The following ZMYM2 variants were observed in gnomAD, a reference collection of about 807,000 sequenced individuals.
ZMYM2 encodes the protein zinc finger MYM-type containing 2.
In ZMYM2, 56 loss-of-function variants were observed where a neutral mutation model predicts 162.8. The observed-to-expected ratio is 0.34, with a 90% CI of 0.28 to 0.43. ZMYM2 has a LOEUF of 0.43. Ranked by LOEUF, ZMYM2 falls within the 20% of genes least tolerant of loss-of-function variation. The pLI is 1.00. For missense variants in ZMYM2, 1,275 were observed against 1,621.8 expected, an observed-to-expected ratio of 0.79 and a Z score of 3.67; for synonymous variants, 510 against 541.6, an observed-to-expected ratio of 0.94 and a Z score of 0.81.
At chr13:20,036,984 T>C in intron 12 of ZMYM2, 75 bp downstream of exon 12, 1 of 1,357,192 alleles carries the variant, frequency 7.4e-7, no homozygotes, top group Non-Finnish European at 9.7e-7. Flanking sequence ...ATTACAAATC[T>C]GGCAACTCAT....
At chr13:19,997,807 A>G (rs928149253) in intron 3 of ZMYM2, among the ~76,000 whole-genome samples, 16 of 152,188 alleles carry the variant, frequency 1.1e-4, no homozygotes, top group African/African-American at 3.4e-4. Flanking sequence ...CAGTTTTGCA[A>G]CCATTCCTGC....
At chr13:19,945,926 G>T in the ZMYM2 span, among the ~76,000 whole-genome samples, 1 of 128,468 alleles carries the variant, frequency 7.8e-6, no homozygotes, top group Non-Finnish European at 1.6e-5. Context: ...TCCAGCCTGG[G>T]CAACAAGAGA....
At chr13:20,034,723 C>T (rs893222300) in intron 11 of ZMYM2, among the ~76,000 whole-genome samples, 3 of 152,168 alleles carry the variant, frequency 2.0e-5, no homozygotes, top group African/African-American at 7.2e-5. Context: ...AAATTGTTTT[C>T]CATTAGCTCC....
chr13:19,920,736 G>GTGTATGTATGTATGTA, the ZMYM2 span, among the ~76,000 whole-genome samples: 1 of 149,850 alleles, frequency 6.7e-6, no homozygotes, highest in Non-Finnish European at 1.5e-5. Flanking sequence ...TCATTTATGT[G>GTGTATGTATGTATGTA]TGTATGTATG....
At chr13:19,879,960 A>C in the ZMYM2 span, among the ~76,000 whole-genome samples, 1,252 of 152,302 alleles carry the variant, frequency 8.2e-3, 17 homozygotes, top group African/African-American at 0.029. Flanking sequence ...AAGGAAAGGC[A>C]TATTTCCTCT....
the ZMYM2 span, among the ~76,000 whole-genome samples, chr13:19,948,713 C>T: frequency 6.6e-6 from 1 of 152,108 alleles, no homozygotes; most frequent in Non-Finnish European, 1.5e-5. Context: ...CATATAGGTT[C>T]GTAAGTTGTA....
At chr13:20,058,958 T>G (rs1435193898) in intron 15 of ZMYM2, 2 of 563,196 alleles carry the variant, frequency 3.6e-6, no homozygotes, top group East Asian at 7.7e-5. Flanking sequence ...CTCGAAAATT[T>G]CCTTGGGGAT....
intron 3 of ZMYM2, among the ~76,000 whole-genome samples, chr13:19,997,013 G>A (rs1245407062): frequency 6.6e-6 from 1 of 152,178 alleles, no homozygotes; most frequent in East Asian, 1.9e-4. Context: ...CCAGCACACA[G>A]CAGCCTGCGC....
chr13:19,901,667 G>C, the ZMYM2 span, among the ~76,000 whole-genome samples: 3 of 152,126 alleles, frequency 2.0e-5, no homozygotes, highest in African/African-American at 7.2e-5. Context: ...AGTAGAGACG[G>C]GGTTTCACCA....
At chr13:19,921,640 C>T in the ZMYM2 span, among the ~76,000 whole-genome samples, 2 of 151,872 alleles carry the variant, frequency 1.3e-5, no homozygotes, top group Non-Finnish European at 2.9e-5. Context: ...AAAATTGTTC[C>T]CACCTCAAAA....
intron 4 of ZMYM2, among the ~76,000 whole-genome samples, chr13:20,003,749 A>G (rs1306270171): frequency 6.6e-6 from 1 of 151,798 alleles, no homozygotes; most frequent in African/African-American, 2.4e-5. Context: ...CCTGGGTTCA[A>G]GCAGTTATCC....
intron 2 of ZMYM2, chr13:19,965,117 C>A: frequency 6.2e-6 from 3 of 481,480 alleles, no homozygotes; most frequent in Admixed American, 4.9e-5. Flanking sequence ...ACTTACATAG[C>A]TATTCTAAGT....
At chr13:19,892,416 C>T in the ZMYM2 span, among the ~76,000 whole-genome samples, 4 of 151,730 alleles carry the variant, frequency 2.6e-5, no homozygotes, top group East Asian at 3.9e-4. Context: ...GGACTACAGG[C>T]GCCCACCGCC....
chr13:19,988,157 GT>G (rs1949327703), intron 2 of ZMYM2, among the ~76,000 whole-genome samples: 1 of 152,190 alleles, frequency 6.6e-6, no homozygotes, highest in South Asian at 2.1e-4. Flanking sequence ...CAAAGGGGTT[GT>G]CACAGTTATG....
the ZMYM2 span, among the ~76,000 whole-genome samples, chr13:19,941,450 C>T: frequency 1.3e-5 from 2 of 152,056 alleles, no homozygotes; most frequent in Non-Finnish European, 1.5e-5. Context: ...TCAGAGATCT[C>T]TATCCTAATA....
At chr13:19,906,284 G>GTGTATATA in the ZMYM2 span, among the ~76,000 whole-genome samples, 34 of 63,790 alleles carry the variant, frequency 5.3e-4, no homozygotes, top group African/African-American at 1.9e-3. Context: ...TCAAAAAAAA[G>GTGTATATA]TATATATATA....
intron 2 of ZMYM2, among the ~76,000 whole-genome samples, chr13:19,980,012 TG>T (rs1426144012): frequency 3.9e-5 from 6 of 152,252 alleles, no homozygotes; most frequent in African/African-American, 1.2e-4. Context: ...TTATTTCATC[TG>T]TTTTTTTTAT....
intron 7 of ZMYM2, among the ~76,000 whole-genome samples, chr13:20,020,128 A>G (rs2140169758): frequency 6.6e-6 from 1 of 152,346 alleles, no homozygotes; most frequent in South Asian, 2.1e-4. Flanking sequence ...GTTAGTCAAT[A>G]GAGCGTATTC....
chr13:19,902,743 T>C, the ZMYM2 span, among the ~76,000 whole-genome samples: 1 of 152,210 alleles, frequency 6.6e-6, no homozygotes, highest in Admixed American at 6.6e-5. Flanking sequence ...CCAAATACGA[T>C]GGGTGACACC....
Sources: allele counts gnomAD v4.1 joint callset (sites outside exome capture counted in the v4.1 genomes callset), GRCh38; gene constraint gnomAD v4.1.1; transcripts MANE v1.5; gene names NCBI Gene and HGNC (gene_info 2026-07-23, HGNC 2026-07-21).